The following BRCA2 variants were observed in gnomAD, a reference collection of about 807,000 sequenced individuals.
BRCA2 encodes breast cancer type 2 susceptibility protein.
Under a neutral mutation model 276.7 loss-of-function variants are expected in BRCA2, and 203 were observed. The observed-to-expected ratio is 0.73, with a 90% CI of 0.65 to 0.82. The LOEUF (loss-of-function observed/expected upper bound fraction) is 0.82. Among genes scored for constraint, BRCA2 ranks in the 40% least tolerant of loss-of-function variants. The pLI is 0.00. For synonymous variants in BRCA2, 1,289 were observed against 1,338.4 expected (o/e 0.96, Z 0.81); for missense variants, 3,920 against 3,915.0 (o/e 1.00, Z -0.03).
At chr13:32,322,182 T>A (rs1224908588) in intron 3 of BRCA2, among the ~76,000 whole-genome samples, 2 of 152,250 alleles carry the variant, frequency 1.3e-5, no homozygotes, top group Admixed American at 6.5e-5. Context: ...CAGCCACTGA[T>A]CTTTTTACTG....
Position 32,337,236 on chromosome 13 carries a change from C to G in BRCA2, c.2881C>G (p.Gln961Glu), listed in dbSNP as rs80358538. 1.2e-6 allele frequency: 2 copies of G among 1,611,848 alleles called. No individual in the cohort carries two copies. The highest frequency in any genetic ancestry group is 1.7e-5 in the Admixed American group (1 of 59,582). ...AGAGGAGAACAAAAATAGTGTAAAG[C>G]AGCATATAAAAATGACTCTAGGTCA... ...LAEENKNSVK[Q>E]HIKMTLGQDL... Residue 961 changes from glutamine (Q) to glutamate (E), a missense_variant, in exon 11 of 27, where the codon CAG becomes GAG. Physicochemically the swap from Gln to Glu is conservative, Grantham distance 29. Coordinates refer to ENST00000380152, the MANE Select transcript of BRCA2 (RefSeq NM_000059.4).
chr13:32,399,160 A>G lies in BRCA2; in HGVS notation c.*390A>G, dbSNP rs56003538. 1.8e-4 allele frequency: 42 copies of G among 239,298 alleles called. No individual in the cohort carries two copies. The East Asian group carries it at 2.7e-3, about 16-fold the overall frequency. 14.8% of individuals were successfully genotyped at this position (239,298 alleles called of 1,614,324 possible). On this transcript the variant is annotated 3_prime_UTR_variant, in exon 27 of 27. Transcript: ENST00000380152. ...TTACAAAGAAAAAAAAAAGGGGAAA[A>G]GAAAATCTTTTAAATCTTTGGATTT...
At chr13:32,329,111 A>G (rs1445013795) in intron 7 of BRCA2, among the ~76,000 whole-genome samples, 1 of 152,206 alleles carries the variant, frequency 6.6e-6, no homozygotes, top group Non-Finnish European at 1.5e-5. Flanking sequence ...AGTGTTGTCT[A>G]AATGAATGCT....
In BRCA2 at chr13:32,377,452, G is replaced by A. The variant is rs189129384; in HGVS notation, c.8754+661G>A. Among the ~76,000 whole-genome samples, 19 of 152,094 alleles carry A rather than the reference G, an allele frequency of 1.2e-4. No individual in the cohort carries two copies. The East Asian group carries it at 3.7e-3, about 29-fold the overall frequency. On this transcript the variant is annotated intron_variant, in intron 21 of 26. Coordinates refer to ENST00000380152, the MANE Select transcript of BRCA2 (RefSeq NM_000059.4). Reference sequence around the variant, plus strand: ...ATTAAAAATACAAAATTAGCCAGGCGTGGTGCACATGCCTGTAATCCCAGC... The same window carrying A: ...ATTAAAAATACAAAATTAGCCAGGCATGGTGCACATGCCTGTAATCCCAGC...
At position 32,324,101 on chromosome 13, in the gene BRCA2, G is replaced by A. The variant is rs11571605; in HGVS notation, c.317-975G>A. ...TACCAGACATTTTTGTAGTTGCTAGGGATACAGTGACAAATAAGACAAAAT... is the reference window on the plus strand; with the variant it reads ...TACCAGACATTTTTGTAGTTGCTAGAGATACAGTGACAAATAAGACAAAAT... On this transcript the variant is annotated intron_variant, in intron 3 of 26. Transcript: ENST00000380152. 0.041 allele frequency among the ~76,000 whole-genome samples: 6,232 copies of A among 152,120 alleles called. 219 individuals are homozygous for A. Among genetic ancestry groups the A allele is most frequent in the South Asian group, 0.11 (549 of 4,808 alleles).
rs80358566 is a variant in BRCA2, at chr13:32,337,573, A to G, written c.3218A>G (p.Gln1073Arg). 107 of 1,601,338 alleles carry G rather than the reference A, an allele frequency of 6.7e-5. No homozygotes were observed. Among genetic ancestry groups the G allele is most frequent in the Non-Finnish European group, 8.9e-5 (104 of 1,173,974 alleles). ...ATTAATACTGTATCTGCACATTTAC[A>G]GAGTAGTGTAGTTGTTTCTGATTGT... ...QSINTVSAHLQSSVVVSDCKN... is the reference protein window; with the variant it reads ...QSINTVSAHLRSSVVVSDCKN... Residue 1073 changes from glutamine (Q) to arginine (R), a missense_variant, in exon 11 of 27, where the codon CAG becomes CGG. This residue lies in a region of BRCA2 where 3,263 missense variants were observed against 3,156.9 expected (regional missense o/e 1.03). Coordinates refer to ENST00000380152, the MANE Select transcript of BRCA2 (RefSeq NM_000059.4).
rs876659266 is a variant in BRCA2 at position 32,398,772 on chromosome 13, C to T, written c.*2C>T. On this transcript the variant is annotated 3_prime_UTR_variant, in exon 27 of 27. Transcript: ENST00000380152. ...ATTACAACTAAAAAATATATCTAAG[C>T]ATTTGCAAAGGCGACAATAAATTAT... 1.2e-6 allele frequency: 2 copies of T among 1,613,468 alleles called. No homozygotes were observed. Among genetic ancestry groups the T allele is most frequent in the African/African-American group, 1.3e-5 (1 of 75,018 alleles).
Position 32,379,518 on chromosome 13 carries a change from A to G in BRCA2, c.8953+3A>G. 1 of 1,612,158 alleles carries G rather than the reference A, an allele frequency of 6.2e-7. No homozygotes were observed. Among genetic ancestry groups the G allele is most frequent in the East Asian group, 2.2e-5 (1 of 44,818 alleles). On this transcript the variant is annotated splice_donor_region_variant and intron_variant, in intron 22 of 26. Transcript: ENST00000380152. Reference sequence around the variant, plus strand: ...TTCAAAAAAAGAAAAAGATTCAGGTAAGTATGTAAATGCTTTGTTTTTATC... The same window carrying G: ...TTCAAAAAAAGAAAAAGATTCAGGTGAGTATGTAAATGCTTTGTTTTTATC...
chr13:32,334,902 G>C (rs1486032472), intron 10 of BRCA2, among the ~76,000 whole-genome samples: 4 of 152,216 alleles, frequency 2.6e-5, no homozygotes, highest in Non-Finnish European at 4.4e-5. Flanking sequence ...TTTACAAAGT[G>C]ATTTTATCTC....
At chr13:32,322,372 A>G (rs1048197616) in intron 3 of BRCA2, among the ~76,000 whole-genome samples, 16 of 152,224 alleles carry the variant, frequency 1.1e-4, no homozygotes, top group African/African-American at 3.9e-4. Flanking sequence ...GGAGTGGGAA[A>G]TCAGGGGTCT....
intron 17 of BRCA2, among the ~76,000 whole-genome samples, 166 bp from the exon 18 acceptor site, chr13:32,363,013 G>T (rs2072751814): frequency 6.6e-6 from 1 of 151,586 alleles, no homozygotes; most frequent in Non-Finnish European, 1.5e-5. Flanking sequence ...AAAAATAATT[G>T]ATATTTTAAC....
chr13:32,343,790 G>A (rs956009962), intron 11 of BRCA2, among the ~76,000 whole-genome samples: 2 of 151,784 alleles, frequency 1.3e-5, no homozygotes, highest in African/African-American at 4.8e-5. Context: ...TAACATATAA[G>A]TGTATAACTT....
chr13:32,398,977 AAAC>A lies in BRCA2; in HGVS notation c.*208_*210del. On this transcript the variant is annotated 3_prime_UTR_variant, in exon 27 of 27. Transcript: ENST00000380152. Reference sequence around the variant, plus strand: ...ACTTTTGCTTCAGTTGCATATCTTAAAACTAAATGTAATTTATTAACTAATCAA... The same window carrying A: ...ACTTTTGCTTCAGTTGCATATCTTAATAAATGTAATTTATTAACTAATCAA... The A allele has an allele frequency of 1.7e-6, 1 of 573,138 alleles. No individual in the cohort carries two copies. The highest frequency in any genetic ancestry group is 2.9e-6 in the Non-Finnish European group (1 of 341,234). The allele number at this position is 573,138 out of a possible 1,614,324, so 35.5% of individuals were successfully genotyped here.
At position 32,338,581 on chromosome 13, in the gene BRCA2, T is replaced by C; in HGVS notation, c.4226T>C (p.Leu1409Ser). ...GGTAATACTTCAAATAAAGAACAGTTAACTGCTACTAAAACGGAGCAAAAT... is the reference window on the plus strand; with the variant it reads ...GGTAATACTTCAAATAAAGAACAGTCAACTGCTACTAAAACGGAGCAAAAT... ...CHGNTSNKEQLTATKTEQNIK... is the reference protein window; with the variant it reads ...CHGNTSNKEQSTATKTEQNIK... The change falls in exon 11 of 27, where the codon TTA becomes TCA. Residue 1409 changes from leucine to serine, a missense_variant. Leu to Ser is a moderately radical substitution (Grantham distance 145, BLOSUM62 -2). This residue lies in a region of BRCA2 where 3,263 missense variants were observed against 3,156.9 expected (regional missense o/e 1.03). Coordinates refer to ENST00000380152, the MANE Select transcript of BRCA2 (RefSeq NM_000059.4). 6.3e-7 allele frequency: 1 copy of C among 1,597,448 alleles called. No individual in the cohort carries two copies. The highest frequency in any genetic ancestry group is 8.5e-7 in the Non-Finnish European group (1 of 1,171,576).
In BRCA2 at chr13:32,394,975, TC is replaced by T. The variant is rs745724980; in HGVS notation, c.9501+43del. ...GCATCACCACACATTTTGGTATTTTTCTATTTTGACAGTCCAGTATCAAGGA... is the reference window on the plus strand; with the variant it reads ...GCATCACCACACATTTTGGTATTTTTTATTTTGACAGTCCAGTATCAAGGA... On this transcript the variant is annotated intron_variant, in intron 25 of 26. Coordinates refer to ENST00000380152, the MANE Select transcript of BRCA2 (RefSeq NM_000059.4). 6.8e-6 allele frequency: 11 copies of T among 1,611,866 alleles called. No individual in the cohort carries two copies. In the Admixed American group the frequency reaches 1.0e-4, roughly 15 times the overall value.
At chr13:32,331,867 G>T (rs571944672) in intron 9 of BRCA2, among the ~76,000 whole-genome samples, 8 of 152,232 alleles carry the variant, frequency 5.3e-5, no homozygotes, top group Admixed American at 1.3e-4. Flanking sequence ...TATCATGTAC[G>T]TATGTATATG....
chr13:32,373,907 C>T (rs1419468191), intron 20 of BRCA2, among the ~76,000 whole-genome samples: 1 of 152,248 alleles, frequency 6.6e-6, no homozygotes, highest in Non-Finnish European at 1.5e-5. Context: ...TCTGCCCCCA[C>T]AGCAGACTTG....
At position 32,340,462 on chromosome 13, in the gene BRCA2, C is replaced by T. The variant is rs1455395828; in HGVS notation, c.6107C>T (p.Pro2036Leu). Reference protein sequence around the residue: ...TREENTAIRTPEHLISQKGFS... With the variant: ...TREENTAIRTLEHLISQKGFS... Reference sequence around the variant, plus strand: ...GAAGAAAATACTGCTATACGTACTCCAGAACATTTAATATCCCAAAAAGGC... The same window carrying T: ...GAAGAAAATACTGCTATACGTACTCTAGAACATTTAATATCCCAAAAAGGC... Residue 2036 changes from proline (P) to leucine (L), a missense_variant, in exon 11 of 27, where the codon CCA becomes CTA. Transcript: ENST00000380152. 1 of 1,613,768 alleles carries T rather than the reference C, an allele frequency of 6.2e-7. No individual in the cohort carries two copies. Among genetic ancestry groups the T allele is most frequent in the Non-Finnish European group, 8.5e-7 (1 of 1,179,812 alleles).
At chr13:32,317,613 T>C (rs1404899242) in intron 2 of BRCA2, among the ~76,000 whole-genome samples, 1 of 152,262 alleles carries the variant, frequency 6.6e-6, no homozygotes, top group Non-Finnish European at 1.5e-5. Flanking sequence ...ATACAAAGTT[T>C]CCAAATATTG....
Sources: allele counts gnomAD v4.1 joint callset (sites outside exome capture counted in the v4.1 genomes callset), GRCh38; gene constraint gnomAD v4.1.1; regional missense constraint gnomAD v4.1.1; transcripts MANE v1.5; gene names NCBI Gene and HGNC (gene_info 2026-07-23, HGNC 2026-07-21).